The following NCKAP5 variants were observed in gnomAD, a reference collection of about 807,000 sequenced individuals.
The protein encoded by NCKAP5 is NCK associated protein 5, also known as nck-associated protein 5.
A neutral mutation model predicts 167.0 loss-of-function variants in NCKAP5; 92 were observed. That is an observed-to-expected ratio of 0.55 (90% CI 0.47 to 0.66). The LOEUF is 0.66. Among genes scored for constraint, NCKAP5 ranks in the 30% least tolerant of loss-of-function variants. NCKAP5 has a pLI of 0.00. For synonymous variants in NCKAP5, 891 were observed against 877.4 expected (o/e 1.02, Z -0.27); for missense variants, 2,378 against 2,315.0 (o/e 1.03, Z -0.56).
chr2:133,426,473 T>C (rs1010570025), intron 3 of NCKAP5, among the ~76,000 whole-genome samples: 7 of 149,580 alleles, frequency 4.7e-5, no homozygotes, highest in Non-Finnish European at 1.0e-4. Flanking sequence ...AGAGGGGCTA[T>C]TTCCAAATTT....
chr2:133,135,972 G>C (rs1344971980), intron 5 of NCKAP5, among the ~76,000 whole-genome samples: 1 of 152,004 alleles, frequency 6.6e-6, no homozygotes, highest in Non-Finnish European at 1.5e-5. Context: ...GATAATCATA[G>C]ATATTTCAAA....
chr2:132,829,413 G>A (rs893579809), intron 11 of NCKAP5, among the ~76,000 whole-genome samples: 18 of 151,998 alleles, frequency 1.2e-4, no homozygotes, highest in African/African-American at 3.1e-4. Context: ...TCTAGAACAC[G>A]GATTTGCACA....
intron 10 of NCKAP5, among the ~76,000 whole-genome samples, chr2:132,866,046 T>C (rs1690323033): frequency 6.6e-6 from 1 of 152,174 alleles, no homozygotes; most frequent in Non-Finnish European, 1.5e-5. Context: ...TATAAAATTG[T>C]TTTCTGTTTC....
chr2:132,796,839 A>G (rs1024989301), intron 11 of NCKAP5, 110 bp from the exon 12 acceptor site: 1 of 714,884 alleles, frequency 1.4e-6, no homozygotes, highest in African/African-American at 1.8e-5. Flanking sequence ...AGATTAGATA[A>G]TACATGTCCT....
At chr2:133,653,727 T>G in the NCKAP5 span, among the ~76,000 whole-genome samples, 32 of 152,198 alleles carry the variant, frequency 2.1e-4, 1 homozygote, top group Non-Finnish European at 1.3e-4. Context: ...TAGAGTTCTG[T>G]AAGCTGCTGC....
intron 6 of NCKAP5, among the ~76,000 whole-genome samples, chr2:133,106,292 CAAAA>C (rs10612612): frequency 4.4e-4 from 34 of 76,832 alleles, no homozygotes; most frequent in Admixed American, 2.5e-3. Flanking sequence ...GACTCCGTCT[CAAAA>C]AAAAAAAAAA....
At chr2:133,429,293 CT>C (rs11368799) in intron 3 of NCKAP5, among the ~76,000 whole-genome samples, 3 of 151,020 alleles carry the variant, frequency 2.0e-5, no homozygotes, top group Non-Finnish European at 4.4e-5. Flanking sequence ...TTTGGAGCTA[CT>C]TTTTTTTAAT....
chr2:133,611,503 G>A, the NCKAP5 span, among the ~76,000 whole-genome samples: 4 of 152,248 alleles, frequency 2.6e-5, no homozygotes, highest in Admixed American at 2.6e-4. Context: ...TCACTTATTT[G>A]CTTGGCTATC....
At chr2:132,743,352 CTATA>C (rs1333357329) in intron 16 of NCKAP5, among the ~76,000 whole-genome samples, 1 of 151,338 alleles carries the variant, frequency 6.6e-6, no homozygotes, top group African/African-American at 2.4e-5. Flanking sequence ...AATATATGAT[CTATA>C]TATATATTTT....
At chr2:133,033,868 T>A (rs186496398) in intron 6 of NCKAP5, among the ~76,000 whole-genome samples, 12 of 152,024 alleles carry the variant, frequency 7.9e-5, no homozygotes, top group Admixed American at 1.3e-4. Flanking sequence ...ACCTATGGGA[T>A]CTAGAAAATA....
chr2:133,483,693 T>C (rs1680663110), intron 3 of NCKAP5, among the ~76,000 whole-genome samples: 1 of 151,958 alleles, frequency 6.6e-6, no homozygotes. Context: ...AAACAATGGG[T>C]TCAAAAATAG....
intron 19 of NCKAP5, among the ~76,000 whole-genome samples, chr2:132,722,880 A>G (rs1366566421): frequency 6.6e-6 from 1 of 151,898 alleles, no homozygotes; most frequent in African/African-American, 2.4e-5. Context: ...CAGTGGTGCA[A>G]CCATGGCTCA....
chr2:133,075,770 G>T (rs1452816210), intron 6 of NCKAP5, among the ~76,000 whole-genome samples: 1 of 151,988 alleles, frequency 6.6e-6, no homozygotes, highest in Non-Finnish European at 1.5e-5. Flanking sequence ...CCAAAAGTGG[G>T]CATAAAAGGG....
Position 133,096,816 on chromosome 2 carries a change from C to T in NCKAP5, c.341+33162G>A, listed in dbSNP as rs532856786. ...GCTAATGAATGAAGACACTTCACTCCGCAGATAATAGTGTTATCTATCCAG... is the reference window on the plus strand; with the variant it reads ...GCTAATGAATGAAGACACTTCACTCTGCAGATAATAGTGTTATCTATCCAG... On this transcript the variant is annotated intron_variant, in intron 6 of 19. Coordinates refer to ENST00000409261, the MANE Select transcript of NCKAP5 (RefSeq NM_207363.3). Among the ~76,000 whole-genome samples, 68 of 152,210 alleles carry T rather than the reference C, an allele frequency of 4.5e-4. No individual in the cohort carries two copies. In the South Asian group the frequency reaches 5.0e-3, roughly 11 times the overall value.
intron 6 of NCKAP5, among the ~76,000 whole-genome samples, chr2:133,090,522 G>A (rs990280469): frequency 1.3e-5 from 2 of 152,080 alleles, no homozygotes; most frequent in African/African-American, 4.8e-5. Flanking sequence ...AAGAGGCAAA[G>A]AATAGATTTC....
the NCKAP5 span, among the ~76,000 whole-genome samples, chr2:133,586,193 A>T: frequency 1.3e-5 from 2 of 152,162 alleles, no homozygotes; most frequent in Non-Finnish European, 2.9e-5. Context: ...AGTATTAATG[A>T]CCAACTGAAG....
chr2:133,500,817 A>G (rs975065376), intron 3 of NCKAP5, among the ~76,000 whole-genome samples: 1 of 152,182 alleles, frequency 6.6e-6, no homozygotes, highest in Non-Finnish European at 1.5e-5. Flanking sequence ...TTTCCCTATA[A>G]AATATCTCTC....
At chr2:133,633,214 G>A in the NCKAP5 span, among the ~76,000 whole-genome samples, 2 of 152,300 alleles carry the variant, frequency 1.3e-5, no homozygotes, top group Non-Finnish European at 1.5e-5. Flanking sequence ...GCCTGACTGA[G>A]CAGAAATGTA....
At position 132,785,685 on chromosome 2, in the gene NCKAP5, T is replaced by A; in HGVS notation, c.1126A>T (p.Ile376Phe). Residue 376 changes from isoleucine to phenylalanine, a missense_variant, in exon 14 of 20, where the codon ATT becomes TTT. Ile to Phe is a conservative substitution (Grantham distance 21). Around this residue, in one of 3 missense-constraint regions of NCKAP5, gnomAD observed 1,049 missense variants for 1,023.4 expected, o/e 1.02. Transcript: ENST00000409261. ...SSQNWDKRLS[I>F]DSSLPSGFAS... ...AAGCCACTTGGGAGCGAAGAATCAA[T>A]ACTTAGCCTTTTATCCCAGTTTTGT... 1 of 1,503,854 alleles carries A rather than the reference T, an allele frequency of 6.6e-7. No homozygotes were observed. Among genetic ancestry groups the A allele is most frequent in the Non-Finnish European group, 8.9e-7 (1 of 1,128,036 alleles). 93.2% of individuals were successfully genotyped at this position (1,503,854 alleles called of 1,614,324 possible). A position where few individuals can be genotyped will look rare whatever the true frequency, so the allele number is the denominator to read the frequency against.
Sources: allele counts gnomAD v4.1 joint callset (sites outside exome capture counted in the v4.1 genomes callset), GRCh38; gene constraint gnomAD v4.1.1; regional missense constraint gnomAD v4.1.1; transcripts MANE v1.5; gene names NCBI Gene and HGNC (gene_info 2026-07-23, HGNC 2026-07-21).